MINAR1: variants seen among roughly 807,000 people sequenced by gnomAD.
MINAR1 encodes the protein major intrinsically disordered Notch2-binding receptor 1.
MINAR1 carries 40 observed loss-of-function variants against 65.1 expected under a neutral mutation model. The observed-to-expected ratio is 0.61, with a 90% CI of 0.48 to 0.80. The LOEUF (loss-of-function observed/expected upper bound fraction) is 0.80. Ranked by LOEUF, MINAR1 falls within the 30% of genes least tolerant of loss-of-function variation. The pLI is 0.00. For synonymous variants in MINAR1, 482 were observed against 449.1 expected (o/e 1.07, Z -0.93); for missense variants, 1,128 against 1,148.0 (o/e 0.98, Z 0.25).
At position 79,469,515 on chromosome 15, in the gene MINAR1, ATC is replaced by A. The variant is rs771625887; in HGVS notation, c.*1133_*1134del. The stretch of plus-strand genomic sequence containing the variant: ...ACTTGTCAGCAGTGCAAAAAATATT[ATC>A]TGTTTAACCACTTATCTATATGTCT... On this transcript the variant is annotated 3_prime_UTR_variant, in exon 4 of 4. Coordinates refer to ENST00000305428, the MANE Select transcript of MINAR1 (RefSeq NM_015206.3). The A allele has an allele frequency of 1.3e-5, 2 of 152,616 alleles. No individual in the cohort carries two copies. The highest frequency in any genetic ancestry group is 3.4e-3 in the Middle Eastern group (1 of 294). The allele number at this position is 152,616 out of a possible 1,614,324, so 9.5% of individuals were successfully genotyped here.
intron 1 of MINAR1, among the ~76,000 whole-genome samples, chr15:79,441,279 A>G (rs1448044783): frequency 1.3e-5 from 2 of 152,204 alleles, no homozygotes; most frequent in Non-Finnish European, 2.9e-5. Context: ...TAGTATTAAT[A>G]TATACAAAGA....
intron 2 of MINAR1, 73 bp downstream of exon 2, chr15:79,458,518 C>G (rs1250686152): frequency 1.2e-5 from 19 of 1,529,790 alleles, no homozygotes; most frequent in Non-Finnish European, 1.7e-5. Flanking sequence ...AAGCCTTGAA[C>G]ATGGCGTTAA....
chr15:79,448,510 G>A (rs929604333), intron 1 of MINAR1, among the ~76,000 whole-genome samples: 2 of 152,134 alleles, frequency 1.3e-5, no homozygotes, highest in Admixed American at 1.3e-4. Context: ...CCTAAAACCA[G>A]AAGCAAGACA....
chr15:79,457,671 C>G lies in MINAR1; in HGVS notation c.1524C>G (p.Asp508Glu), dbSNP rs770555397. 1.2e-6 allele frequency: 2 copies of G among 1,614,026 alleles called. No individual in the cohort carries two copies. Among genetic ancestry groups the G allele is most frequent in the Non-Finnish European group, 8.5e-7 (1 of 1,180,022 alleles). Reference protein sequence around the residue: ...YSDRHTMKHSDDDSEIVSDDI... With the variant: ...YSDRHTMKHSEDDSEIVSDDI... The stretch of plus-strand genomic sequence containing the variant: ...ACAGGCACACCATGAAGCACTCAGA[C>G]GATGACTCAGAAATTGTCAGCGACG... The change falls in exon 2 of 4, where the codon GAC (aspartate) becomes GAG (glutamate). Residue 508 changes from aspartate (D) to glutamate (E), a missense_variant. Physicochemically the swap from Asp to Glu is conservative, Grantham distance 45. Transcript: ENST00000305428.
chr15:79,437,080 A>G (rs1029619728), intron 1 of MINAR1, among the ~76,000 whole-genome samples: 1 of 150,232 alleles, frequency 6.7e-6, no homozygotes, highest in Non-Finnish European at 1.5e-5. Flanking sequence ...TTTTAGGGTT[A>G]CTAGAGGAGG....
chr15:79,418,458 C>T, the MINAR1 span: 1 of 152,238 alleles, frequency 6.6e-6, no homozygotes, highest in Non-Finnish European at 1.5e-5. Context: ...TGCCTATCCA[C>T]AAACTCCATA....
At chr15:79,420,729 C>T in the MINAR1 span, 2 of 152,238 alleles carry the variant, frequency 1.3e-5, no homozygotes, top group East Asian at 3.8e-4. Context: ...GTTCTTGCCC[C>T]AGTTCATCAC....
Position 79,463,082 on chromosome 15 carries a change from G to A in MINAR1, c.2314G>A (p.Asp772Asn), listed in dbSNP as rs143833193. The A allele has an allele frequency of 2.5e-5, 41 of 1,612,884 alleles. No individual in the cohort carries two copies. The African/African-American group carries it at 3.5e-4, about 14-fold the overall frequency. ...RKSKEADRQY[D>N]IPPQHRLPKQ... ...CCCTCTGCAGGCAGACAGGCAGTAC[G>A]ACATTCCCCCACAGCACCGACTGCC... The change falls in exon 3 of 4, where the codon GAC becomes AAC. Residue 772 changes from aspartate to asparagine, a missense_variant. Transcript: ENST00000305428.
At chr15:79,437,683 C>G (rs58896878) in intron 1 of MINAR1, among the ~76,000 whole-genome samples, 20,348 of 35,294 alleles carry the variant, frequency 0.58, 4,217 homozygotes, top group Middle Eastern at 0.63. Flanking sequence ...GTGTGGGTGG[C>G]GTGGGTAGTG....
At position 79,457,288 on chromosome 15, in the gene MINAR1, C is replaced by A. The variant is rs373558330; in HGVS notation, c.1141C>A (p.Arg381=). The part of the protein sequence containing the change: ...LNTEEVPDFE[R]SFFNRNPSEE... ...CACAGAGGAAGTTCCTGACTTTGAACGGTCCTTTTTCAATAGAAATCCCTC... is the reference window on the plus strand; with the variant it reads ...CACAGAGGAAGTTCCTGACTTTGAAAGGTCCTTTTTCAATAGAAATCCCTC... Residue 381 remains arginine (R), a synonymous_variant, in exon 2 of 4, where the codon CGG becomes AGG. Coordinates refer to ENST00000305428, the MANE Select transcript of MINAR1 (RefSeq NM_015206.3). The A allele has an allele frequency of 6.2e-7, 1 of 1,614,028 alleles. No homozygotes were observed. Among genetic ancestry groups the A allele is most frequent in the African/African-American group, 1.3e-5 (1 of 74,894 alleles).
intron 1 of MINAR1, among the ~76,000 whole-genome samples, chr15:79,441,259 A>G (rs1373233811): frequency 6.6e-6 from 1 of 152,200 alleles, no homozygotes; most frequent in Non-Finnish European, 1.5e-5. Flanking sequence ...GACAATTATT[A>G]TTAACATTTT....
At chr15:79,454,845 C>G (rs933481350) in intron 1 of MINAR1, among the ~76,000 whole-genome samples, 10 of 152,224 alleles carry the variant, frequency 6.6e-5, no homozygotes, top group Non-Finnish European at 1.3e-4. Flanking sequence ...GGTTTCTACA[C>G]AGGCATACAT....
At chr15:79,452,708 GTGTGTGGGTGTGGGTGA>G (rs1895266787) in intron 1 of MINAR1, among the ~76,000 whole-genome samples, 1 of 117,776 alleles carries the variant, frequency 8.5e-6, no homozygotes, top group East Asian at 3.9e-4. Context: ...GTCTGGATGA[GTGTGTGGGTGTGGGTGA>G]GTCTGTGTGG....
chr15:79,471,508 C>T lies in MINAR1; in HGVS notation c.*3124C>T, dbSNP rs753293939. On this transcript the variant is annotated 3_prime_UTR_variant, in exon 4 of 4. Coordinates refer to ENST00000305428, the MANE Select transcript of MINAR1 (RefSeq NM_015206.3). ...AAACTAAATCATAACTTACATCATC[C>T]ATTACTAGCTGATCATAAATTGTTA... 4.6e-5 allele frequency: 7 copies of T among 152,518 alleles called. No individual in the cohort carries two copies. The highest frequency in any genetic ancestry group is 1.0e-4 in the Non-Finnish European group (7 of 68,036). The allele number at this position is 152,518 out of a possible 1,614,324, so 9.4% of individuals were successfully genotyped here.
At chr15:79,426,186 G>C in the MINAR1 span, 1 of 153,150 alleles carries the variant, frequency 6.5e-6, no homozygotes, top group Non-Finnish European at 1.5e-5. Flanking sequence ...GGGGGAGTTG[G>C]GGGGCTGGAA....
upstream of MINAR1, among the ~76,000 whole-genome samples, chr15:79,432,242 A>C (rs931562384): frequency 6.6e-6 from 1 of 151,936 alleles, no homozygotes; most frequent in Non-Finnish European, 1.5e-5. Context: ...GCCCCAGAGG[A>C]GTCCGAGCGC....
chr15:79,444,134 A>G (rs1456245352), intron 1 of MINAR1, among the ~76,000 whole-genome samples: 3 of 152,190 alleles, frequency 2.0e-5, no homozygotes, highest in Non-Finnish European at 4.4e-5. Context: ...GCCTTTGACA[A>G]GTTACGGACC....
intron 1 of MINAR1, among the ~76,000 whole-genome samples, chr15:79,455,428 C>A (rs907966685): frequency 2.0e-5 from 3 of 152,130 alleles, no homozygotes; most frequent in Non-Finnish European, 4.4e-5. Flanking sequence ...GTAAAACTTA[C>A]ACTTTCTAGT....
chr15:79,443,128 G>A (rs1212197986), intron 1 of MINAR1, among the ~76,000 whole-genome samples: 2 of 152,122 alleles, frequency 1.3e-5, no homozygotes, highest in East Asian at 3.9e-4. Context: ...GGCCACACAG[G>A]GCCACACGGG....
Sources: gnomAD v4.1 joint callset for allele counts (sites outside exome capture counted in the v4.1 genomes callset) on GRCh38, gnomAD v4.1.1 for gene constraint, MANE v1.5 for transcripts, NCBI Gene and HGNC (gene_info 2026-07-23, HGNC 2026-07-21) for gene names.